MYOT: variants seen among roughly 807,000 people sequenced by gnomAD.
MYOT encodes myotilin, also known as 57 kDa cytoskeletal protein.
Under a neutral mutation model 58.0 loss-of-function variants are expected in MYOT, and 36 were observed. The observed-to-expected ratio is 0.62, with a 90% CI of 0.48 to 0.82. The LOEUF is 0.82. Among genes scored for constraint, MYOT ranks in the 40% least tolerant of loss-of-function variants. MYOT has a pLI of 0.00. For missense variants in MYOT, 505 were observed against 592.1 expected (o/e 0.85, Z 1.53); for synonymous variants, 218 against 204.6 (o/e 1.07, Z -0.56).
chr5:137,872,734 C>A (rs1755090464), intron 2 of MYOT, among the ~76,000 whole-genome samples: 1 of 152,138 alleles, frequency 6.6e-6, no homozygotes. Flanking sequence ...AATTTGAAAG[C>A]TTTATTTAGA....
At position 137,875,783 on chromosome 5, in the gene MYOT, G is replaced by A. The variant is rs201703889; in HGVS notation, c.357-46G>A. ...TATCTAAAGGTAATTTGCAAAATGA[G>A]GCCAAGACCTTCTTTTTAAAAATCT... On this transcript the variant is annotated intron_variant, in intron 2 of 9. Transcript: ENST00000239926. 6.9e-6 allele frequency: 11 copies of A among 1,598,832 alleles called. No homozygotes were observed. The South Asian group carries it at 9.9e-5, about 14-fold the overall frequency.
chr5:137,872,361 A>C (rs1755077681), intron 2 of MYOT, among the ~76,000 whole-genome samples: 1 of 152,218 alleles, frequency 6.6e-6, no homozygotes, highest in South Asian at 2.1e-4. Flanking sequence ...TTCCTATATT[A>C]GCATTTTAAA....
At chr5:137,869,673 G>GA (rs912300066) in intron 1 of MYOT, among the ~76,000 whole-genome samples, 20 of 149,476 alleles carry the variant, frequency 1.3e-4, no homozygotes, top group African/African-American at 4.2e-4. Context: ...GCAAAAAAAA[G>GA]AAAAAAAAGA....
intron 4 of MYOT, among the ~76,000 whole-genome samples, chr5:137,879,043 C>A (rs1755325817): frequency 6.6e-6 from 1 of 152,036 alleles, no homozygotes; most frequent in African/African-American, 2.4e-5. Context: ...TCAAGTGATT[C>A]TCGTGCCTCA....
intron 2 of MYOT, among the ~76,000 whole-genome samples, chr5:137,874,660 T>C (rs900429299): frequency 6.6e-6 from 1 of 152,258 alleles, no homozygotes; most frequent in African/African-American, 2.4e-5. Context: ...AAGGACATCA[T>C]AGAAAAAATT....
chr5:137,884,676 T>C (rs961939858), intron 7 of MYOT, among the ~76,000 whole-genome samples: 11 of 152,114 alleles, frequency 7.2e-5, no homozygotes, highest in African/African-American at 2.7e-4. Context: ...GATTTTCAGG[T>C]TAAGAATGCT....
At chr5:137,874,902 T>A (rs561295331) in intron 2 of MYOT, among the ~76,000 whole-genome samples, 2 of 152,064 alleles carry the variant, frequency 1.3e-5, no homozygotes, top group East Asian at 3.9e-4. Flanking sequence ...GTAGACTCCA[T>A]TCAAAGCAAA....
intron 4 of MYOT, among the ~76,000 whole-genome samples, chr5:137,880,092 G>C (rs1755377002): frequency 6.6e-6 from 1 of 152,078 alleles, no homozygotes; most frequent in South Asian, 2.1e-4. Context: ...TTTCCACTTT[G>C]TATCTCCCAC....
intron 2 of MYOT, among the ~76,000 whole-genome samples, chr5:137,874,189 G>A (rs1303947656): frequency 1.3e-5 from 2 of 151,986 alleles, no homozygotes; most frequent in Non-Finnish European, 2.9e-5. Context: ...CCTGCAGGCC[G>A]GGTGCGGTGG....
Position 137,886,091 on chromosome 5 carries a change from G to A in MYOT, c.1068G>A (p.Gln356=). The A allele has an allele frequency of 6.2e-7, 1 of 1,609,168 alleles. No individual in the cohort carries two copies. Among genetic ancestry groups the A allele is most frequent in the Non-Finnish European group, 8.5e-7 (1 of 1,176,014 alleles). The stretch of plus-strand genomic sequence containing the variant: ...CACCAATGTTTATCTACAAACCACA[G>A]AGCAAAAAAGTTTTAGAGGGAGATT... ...KRAPMFIYKP[Q]SKKVLEGDSV... Residue 356 remains glutamine (Q), a synonymous_variant, in exon 8 of 10, where the codon CAG becomes CAA. Coordinates refer to ENST00000239926, the MANE Select transcript of MYOT (RefSeq NM_006790.3).
At position 137,886,961 on chromosome 5, in the gene MYOT, G is replaced by GT; in HGVS notation, c.1288_1289insT (p.Gly430ValfsTer6). ...TACTGTGTCAGCAGTTAATGAAGCT[G>GT]GAGTGACTACATGTAACACAAGATT... On this transcript the variant is annotated frameshift_variant, in exon 9 of 10. Coordinates refer to ENST00000239926, the MANE Select transcript of MYOT (RefSeq NM_006790.3). LOFTEE classifies it high-confidence loss of function. The GT allele has an allele frequency of 4.3e-6, 7 of 1,613,450 alleles. No individual in the cohort carries two copies. Among genetic ancestry groups the GT allele is most frequent in the Non-Finnish European group, 4.2e-6 (5 of 1,179,426 alleles).
intron 4 of MYOT, among the ~76,000 whole-genome samples, chr5:137,879,351 G>A (rs1018156448): frequency 1.3e-5 from 2 of 151,954 alleles, no homozygotes; most frequent in African/African-American, 4.8e-5. Context: ...TTTATTTTTG[G>A]CTACTAAACA....
chr5:137,877,925 G>A (rs1256317528), intron 4 of MYOT, among the ~76,000 whole-genome samples: 4 of 152,024 alleles, frequency 2.6e-5, no homozygotes, highest in Admixed American at 6.5e-5. Context: ...GTGTCTACAC[G>A]GACAGGGAAT....
chr5:137,885,977 T>A (rs1755588080), intron 7 of MYOT, 71 bp from the exon 8 acceptor site: 25 of 1,056,408 alleles, frequency 2.4e-5, no homozygotes, highest in Non-Finnish European at 3.5e-5. Context: ...ACAAATTTCA[T>A]AATACCTTGG....
chr5:137,883,204 T>A (rs1466393702), intron 6 of MYOT, 180 bp from the exon 7 acceptor site: 15 of 610,718 alleles, frequency 2.5e-5, no homozygotes, highest in Non-Finnish European at 2.9e-5. Flanking sequence ...TATGTTAATT[T>A]CAAGGATCTT....
At chr5:137,872,297 G>C (rs1393854378) in intron 2 of MYOT, among the ~76,000 whole-genome samples, 1 of 151,796 alleles carries the variant, frequency 6.6e-6, no homozygotes, top group Non-Finnish European at 1.5e-5. Flanking sequence ...GATCTTTCTT[G>C]GTTATATTTA....
In MYOT at chr5:137,887,240, C is replaced by T; in HGVS notation, c.1352C>T (p.Pro451Leu). The T allele has an allele frequency of 6.2e-7, 1 of 1,614,084 alleles. No individual in the cohort carries two copies. Among genetic ancestry groups the T allele is most frequent in the Non-Finnish European group, 8.5e-7 (1 of 1,179,982 alleles). ...TARPNQTLPAPKQLRVRPTFS... is the reference protein window; with the variant it reads ...TARPNQTLPALKQLRVRPTFS... ...CGTCCAAACCAAACTCTTCCAGCTCCTAAGCAGTTACGGGTTCGACCAACA... is the reference window on the plus strand; with the variant it reads ...CGTCCAAACCAAACTCTTCCAGCTCTTAAGCAGTTACGGGTTCGACCAACA... Residue 451 changes from proline to leucine, a missense_variant, in exon 10 of 10, where the codon CCT becomes CTT. Pro to Leu is a moderately conservative substitution (Grantham distance 98, BLOSUM62 -3). Transcript: ENST00000239926.
intron 7 of MYOT, among the ~76,000 whole-genome samples, chr5:137,884,216 A>C (rs1202574335): frequency 6.6e-6 from 1 of 152,146 alleles, no homozygotes; most frequent in Non-Finnish European, 1.5e-5. Context: ...TTAGCTGGGC[A>C]TAGTGGTGCA....
intron 6 of MYOT, 28 bp from the exon 7 acceptor site, chr5:137,883,356 T>C (rs1755497725): frequency 6.3e-7 from 1 of 1,579,584 alleles, no homozygotes; most frequent in Admixed American, 1.7e-5. Flanking sequence ...TTTAAAATTC[T>C]GCCATCTCCT....
Sources: gnomAD v4.1 joint callset for allele counts (sites outside exome capture counted in the v4.1 genomes callset) on GRCh38, gnomAD v4.1.1 for gene constraint, MANE v1.5 for transcripts, NCBI Gene and HGNC (gene_info 2026-07-23, HGNC 2026-07-21) for gene names.